Variants in PTPRG observed in about 807,000 individuals in gnomAD.
PTPRG encodes receptor-type tyrosine-protein phosphatase gamma.
Under a neutral mutation model 165.3 loss-of-function variants are expected in PTPRG, and 102 were observed. The ratio of observed to expected loss-of-function variants is 0.62; its 90% confidence interval spans 0.53 to 0.73. The LOEUF (loss-of-function observed/expected upper bound fraction) is 0.73, where lower values mean the gene tolerates loss of function less well. Among genes scored for constraint, PTPRG ranks in the 30% least tolerant of loss-of-function variants. The pLI, the probability that PTPRG is intolerant of heterozygous loss-of-function variation, is 0.00. For synonymous variants in PTPRG, 675 were observed against 669.5 expected, an observed-to-expected ratio of 1.01 and a Z score of -0.13; for missense variants, 1,866 against 1,861.4, an observed-to-expected ratio of 1.00 and a Z score of -0.05.
intron 2 of PTPRG, among the ~76,000 whole-genome samples, chr3:61,952,964 G>A (rs867629609): frequency 9.9e-5 from 15 of 152,182 alleles, no homozygotes; most frequent in Non-Finnish European, 7.3e-5. Context: ...GAATATGAAT[G>A]TATCACTCCT....
intron 1 of PTPRG, among the ~76,000 whole-genome samples, chr3:61,581,463 G>A (rs1489345745): frequency 6.6e-6 from 1 of 152,158 alleles, no homozygotes; most frequent in Non-Finnish European, 1.5e-5. Flanking sequence ...ATTCATTTCT[G>A]AGTGCAGGCT....
chr3:62,178,178 GATGGATGCACATGTGGATCC>G (rs1230906463), intron 8 of PTPRG, among the ~76,000 whole-genome samples: 1 of 151,080 alleles, frequency 6.6e-6, no homozygotes, highest in African/African-American at 2.4e-5. Context: ...TGGATGGATG[GATGGATGCACATGTGGATCC>G]ATGGATGGAT....
chr3:62,159,055 T>C (rs1414978839), intron 7 of PTPRG, among the ~76,000 whole-genome samples: 1 of 152,152 alleles, frequency 6.6e-6, no homozygotes, highest in Admixed American at 6.5e-5. Context: ...TACGGCTCAG[T>C]GGCTCATGCC....
chr3:61,773,127 TGTAGG>T (rs1242353262), intron 2 of PTPRG, among the ~76,000 whole-genome samples: 1 of 151,274 alleles, frequency 6.6e-6, no homozygotes, highest in Non-Finnish European at 1.5e-5. Flanking sequence ...TATCGGCTGG[TGTAGG>T]GTAGGGTGGT....
intron 1 of PTPRG, among the ~76,000 whole-genome samples, chr3:61,623,998 G>A (rs774487821): frequency 6.6e-6 from 1 of 152,136 alleles, no homozygotes; most frequent in Non-Finnish European, 1.5e-5. Flanking sequence ...TTGCATTCAG[G>A]TGCTCAGTTT....
chr3:61,985,573 A>G (rs2040738985), intron 2 of PTPRG, among the ~76,000 whole-genome samples: 1 of 152,216 alleles, frequency 6.6e-6, no homozygotes, highest in African/African-American at 2.4e-5. Context: ...GCTGTGAGCC[A>G]CAGGCAGCTT....
intron 2 of PTPRG, among the ~76,000 whole-genome samples, chr3:61,970,967 A>C (rs1204889571): frequency 2.0e-5 from 3 of 152,112 alleles, no homozygotes; most frequent in African/African-American, 7.2e-5. Flanking sequence ...AGAGTGTAAT[A>C]TTGCTTATTT....
intron 1 of PTPRG, among the ~76,000 whole-genome samples, chr3:61,708,084 C>T (rs542392403): frequency 6.6e-6 from 1 of 152,142 alleles, no homozygotes; most frequent in East Asian, 1.9e-4. Context: ...CCACCACACC[C>T]AGTAGTTTTT....
chr3:62,100,637 A>G (rs1054689538), intron 5 of PTPRG, among the ~76,000 whole-genome samples: 3 of 152,248 alleles, frequency 2.0e-5, no homozygotes, highest in African/African-American at 7.2e-5. Context: ...ACAGGAATGT[A>G]TGATTTGAAT....
At chr3:62,147,991 A>G (rs992147664) in intron 6 of PTPRG, among the ~76,000 whole-genome samples, 4 of 151,976 alleles carry the variant, frequency 2.6e-5, no homozygotes, top group African/African-American at 9.7e-5. Flanking sequence ...TAAAAATACA[A>G]AAAAATTAGC....
intron 2 of PTPRG, among the ~76,000 whole-genome samples, chr3:61,802,891 A>G (rs2035291789): frequency 1.3e-5 from 2 of 152,234 alleles, no homozygotes; most frequent in African/African-American, 4.8e-5. Flanking sequence ...CGCTGGATGC[A>G]AAAACACATT....
chr3:62,131,484 T>C (rs1308986606), intron 5 of PTPRG, among the ~76,000 whole-genome samples: 1 of 152,160 alleles, frequency 6.6e-6, no homozygotes, highest in African/African-American at 2.4e-5. Flanking sequence ...AAATTAATTC[T>C]AGGGGTGGCT....
At chr3:61,814,938 G>T (rs1436575082) in intron 2 of PTPRG, among the ~76,000 whole-genome samples, 1 of 151,994 alleles carries the variant, frequency 6.6e-6, no homozygotes, top group East Asian at 1.9e-4. Flanking sequence ...CTGAAGCTTA[G>T]AGTGGCCAGT....
chr3:62,287,595 A>G (rs1300543467), intron 28 of PTPRG, among the ~76,000 whole-genome samples: 1 of 152,158 alleles, frequency 6.6e-6, no homozygotes, highest in East Asian at 1.9e-4. Flanking sequence ...AAGTTCTAAC[A>G]TATGTCTAAA....
At chr3:62,282,273 A>T (rs1702477749) in intron 27 of PTPRG, among the ~76,000 whole-genome samples, 1 of 152,004 alleles carries the variant, frequency 6.6e-6, no homozygotes, top group Non-Finnish European at 1.5e-5. Flanking sequence ...ACAAGGTCTC[A>T]CTCACAGTGG....
intron 2 of PTPRG, among the ~76,000 whole-genome samples, chr3:61,813,551 G>GTGTGTGTGTT (rs1553673904): frequency 5.1e-5 from 6 of 117,800 alleles, no homozygotes; most frequent in African/African-American, 1.5e-4. Flanking sequence ...ATCTGTGTGT[G>GTGTGTGTGTT]TGTGTGTGTG....
chr3:61,665,878 C>A (rs560136631), intron 1 of PTPRG, among the ~76,000 whole-genome samples: 258 of 151,886 alleles, frequency 1.7e-3, no homozygotes, highest in Non-Finnish European at 2.9e-3. Flanking sequence ...ATATGAAACT[C>A]TTTTAGTTGG....
At chr3:61,762,299 T>C (rs1262285331) in intron 2 of PTPRG, among the ~76,000 whole-genome samples, 1 of 152,192 alleles carries the variant, frequency 6.6e-6, no homozygotes, top group Non-Finnish European at 1.5e-5. Context: ...CCAATTGAGC[T>C]GCATACCTGC....
chr3:61,922,132 C>G (rs564173712), intron 2 of PTPRG, among the ~76,000 whole-genome samples: 103 of 152,312 alleles, frequency 6.8e-4, no homozygotes, highest in African/African-American at 2.5e-3. Flanking sequence ...TGAATGTGAT[C>G]TGCCCTGAGG....
Sources: gnomAD v4.1 joint callset for allele counts (sites outside exome capture counted in the v4.1 genomes callset) on GRCh38, gnomAD v4.1.1 for gene constraint, MANE v1.5 for transcripts, NCBI Gene and HGNC (gene_info 2026-07-23, HGNC 2026-07-21) for gene names.